The following EXOC6B variants were observed in gnomAD, a reference collection of about 807,000 sequenced individuals.
EXOC6B encodes the protein exocyst complex component 6B.
A neutral mutation model predicts 113.5 loss-of-function variants in EXOC6B; 54 were observed. That is an observed-to-expected ratio of 0.48 (90% confidence interval 0.38 to 0.60). The LOEUF is 0.60. Among genes scored for constraint, EXOC6B ranks in the 20% least tolerant of loss-of-function variants. The pLI is 0.00. For missense variants in EXOC6B, 797 were observed against 977.5 expected, an observed-to-expected ratio of 0.82 and a Z score of 2.46; for synonymous variants, 357 against 339.0, an observed-to-expected ratio of 1.05 and a Z score of -0.58.
chr2:72,367,241 A>G (rs895949414), intron 19 of EXOC6B, among the ~76,000 whole-genome samples: 1 of 152,158 alleles, frequency 6.6e-6, no homozygotes, highest in Non-Finnish European at 1.5e-5. Flanking sequence ...TTCTGTGTTA[A>G]AGATGTATAT....
At chr2:72,468,610 G>C (rs1698209088) in intron 17 of EXOC6B, among the ~76,000 whole-genome samples, 1 of 152,024 alleles carries the variant, frequency 6.6e-6, no homozygotes, top group African/African-American at 2.4e-5. Flanking sequence ...GCTCAAGATT[G>C]CTTTTGCTAT....
At chr2:72,744,088 A>G (rs549953319) in intron 1 of EXOC6B, among the ~76,000 whole-genome samples, 3 of 152,346 alleles carry the variant, frequency 2.0e-5, no homozygotes, top group Admixed American at 2.0e-4. Context: ...TATTAAGTAC[A>G]GCAACATACT....
intron 6 of EXOC6B, among the ~76,000 whole-genome samples, chr2:72,704,936 C>A (rs1365945855): frequency 6.6e-6 from 1 of 151,480 alleles, no homozygotes; most frequent in Non-Finnish European, 1.5e-5. Flanking sequence ...TGAAACTATT[C>A]CAATCAATAG....
At chr2:72,519,113 C>T (rs1362675094) in intron 8 of EXOC6B, among the ~76,000 whole-genome samples, 2 of 152,262 alleles carry the variant, frequency 1.3e-5, no homozygotes, top group Non-Finnish European at 2.9e-5. Context: ...AAAAGCAATA[C>T]TCATAGTTCT....
In EXOC6B at chr2:72,631,406, A is replaced by ATGTGTG. The variant is rs201743586; in HGVS notation, c.670-55744_670-55739dup. On this transcript the variant is annotated intron_variant, in intron 6 of 21. Coordinates refer to ENST00000272427, the MANE Select transcript of EXOC6B (RefSeq NM_015189.3). ...TGGAGTGATATAGTAGTGTGTGTAT[A>ATGTGTG]TGTGTGTGTGTGTGTGTGTGTATAT... 1.5e-3 allele frequency among the ~76,000 whole-genome samples: 154 copies of ATGTGTG among 102,282 alleles called. 4 individuals carry two copies. The highest frequency in any genetic ancestry group is 5.0e-3 in the African/African-American group (146 of 28,942). The allele number at this position is 102,282 out of a possible 152,430, so 67.1% of individuals were successfully genotyped here. A position where few individuals can be genotyped will look rare whatever the true frequency, so the allele number is the denominator to read the frequency against.
intron 1 of EXOC6B, among the ~76,000 whole-genome samples, chr2:72,768,171 A>G (rs1005022657): frequency 2.6e-5 from 4 of 151,632 alleles, no homozygotes; most frequent in East Asian, 1.9e-4. Flanking sequence ...GAAACAGAAG[A>G]AAAAAATTAC....
At chr2:72,643,835 A>G (rs934392033) in intron 6 of EXOC6B, among the ~76,000 whole-genome samples, 1 of 151,512 alleles carries the variant, frequency 6.6e-6, no homozygotes, top group Non-Finnish European at 1.5e-5. Flanking sequence ...ATAAATAAAT[A>G]AAAAAGAAAT....
chr2:72,630,615 CT>C (rs1292380343), intron 6 of EXOC6B, among the ~76,000 whole-genome samples: 1 of 152,080 alleles, frequency 6.6e-6, no homozygotes, highest in Admixed American at 6.6e-5. Context: ...GATCATCAAA[CT>C]TCTATATACC....
chr2:72,637,219 TAATA>T (rs1423168638), intron 6 of EXOC6B, among the ~76,000 whole-genome samples: 2 of 151,970 alleles, frequency 1.3e-5, no homozygotes, highest in African/African-American at 4.8e-5. Flanking sequence ...CTAAATATAG[TAATA>T]AATATGTCAA....
chr2:72,743,208 C>A (rs1295063325), intron 1 of EXOC6B, among the ~76,000 whole-genome samples: 1 of 152,198 alleles, frequency 6.6e-6, no homozygotes, highest in East Asian at 1.9e-4. Flanking sequence ...TACATTACCA[C>A]CACAATGGAC....
Position 72,379,732 on chromosome 2 carries a change from C to T in EXOC6B, c.2119G>A (p.Glu707Lys). 6.2e-7 allele frequency: 1 copy of T among 1,609,998 alleles called. No individual in the cohort carries two copies. The highest frequency in any genetic ancestry group is 8.5e-7 in the Non-Finnish European group (1 of 1,177,810). ...ACAGGGATGGTCACTGTCTTACGTT[C>T]ACATTCTCTGACGTCCAAGTTGAAC... The part of the protein sequence containing the change: ...QQFNLDVREC[E>K]QFARSGPVPG... Residue 707 changes from glutamate (E) to lysine (K), a missense_variant, in exon 19 of 22, where the codon GAA becomes AAA. Glu to Lys is a moderately conservative substitution (Grantham distance 56, BLOSUM62 1). Transcript: ENST00000272427.
At chr2:72,736,386 C>T (rs1255309263) in intron 2 of EXOC6B, among the ~76,000 whole-genome samples, 1 of 151,976 alleles carries the variant, frequency 6.6e-6, no homozygotes, top group South Asian at 2.1e-4. Flanking sequence ...TTTACATTGT[C>T]TAAACTATTT....
At chr2:72,208,087 A>T (rs985089321) in intron 20 of EXOC6B, among the ~76,000 whole-genome samples, 7 of 152,094 alleles carry the variant, frequency 4.6e-5, no homozygotes, top group African/African-American at 7.2e-5. Context: ...TTTAAAAAAA[A>T]TTTCAGTTTT....
At chr2:72,683,502 T>C (rs1404205886) in intron 6 of EXOC6B, among the ~76,000 whole-genome samples, 1 of 152,162 alleles carries the variant, frequency 6.6e-6, no homozygotes, top group Non-Finnish European at 1.5e-5. Context: ...TAGACATGAC[T>C]GCATAGATAA....
At chr2:72,188,600 A>G (rs1678601705) in intron 20 of EXOC6B, among the ~76,000 whole-genome samples, 1 of 152,306 alleles carries the variant, frequency 6.6e-6, no homozygotes, top group Admixed American at 6.5e-5. Context: ...GAAAACCAGC[A>G]GGTCTATTTA....
At chr2:72,775,142 T>G (rs1450084340) in intron 1 of EXOC6B, among the ~76,000 whole-genome samples, 1 of 152,124 alleles carries the variant, frequency 6.6e-6, no homozygotes, top group Non-Finnish European at 1.5e-5. Flanking sequence ...TGAAACTCCT[T>G]ATTGTTTAGG....
chr2:72,492,514 TAATAATAA>T, intron 15 of EXOC6B, 85 bp from the exon 16 acceptor site: 1 of 741,076 alleles, frequency 1.3e-6, no homozygotes, highest in Non-Finnish European at 2.3e-6. Context: ...TTCGTGGTAA[TAATAATAA>T]AATAATAATA....
chr2:72,714,374 G>A (rs748206127), intron 6 of EXOC6B, among the ~76,000 whole-genome samples: 2 of 152,150 alleles, frequency 1.3e-5, no homozygotes, highest in Non-Finnish European at 2.9e-5. Context: ...TATAATAAGT[G>A]AATAGGCATA....
At chr2:72,285,708 G>T (rs1365192744) in intron 20 of EXOC6B, among the ~76,000 whole-genome samples, 2 of 151,972 alleles carry the variant, frequency 1.3e-5, no homozygotes, top group African/African-American at 2.4e-5. Context: ...ATAAGCCACA[G>T]ACTGGGAGAA....
Sources: allele counts gnomAD v4.1 joint callset (sites outside exome capture counted in the v4.1 genomes callset), GRCh38; gene constraint gnomAD v4.1.1; transcripts MANE v1.5; gene names NCBI Gene and HGNC (gene_info 2026-07-23, HGNC 2026-07-21).